GRIN2B: variants seen among roughly 807,000 people sequenced by gnomAD.
GRIN2B encodes glutamate receptor ionotropic, NMDA 2B.
GRIN2B carries 5 observed loss-of-function variants against 114.5 expected under a neutral mutation model. That is an observed-to-expected ratio of 0.04 (90% CI 0.02 to 0.09). GRIN2B has a LOEUF of 0.09. Among genes scored for constraint, GRIN2B ranks in the 10% least tolerant of loss-of-function variants. The probability of loss-of-function intolerance (pLI) is 1.00; values close to 1 mark genes in which losing one functional copy is unlikely to be tolerated. For synonymous variants in GRIN2B, 787 were observed against 745.1 expected (o/e 1.06, Z -0.92); for missense variants, 1,108 against 1,943.5 (o/e 0.57, Z 8.08).
intron 5 of GRIN2B, among the ~76,000 whole-genome samples, chr12:13,636,558 T>C (rs1044038240): frequency 1.1e-4 from 16 of 152,140 alleles, no homozygotes; most frequent in Non-Finnish European, 2.4e-4. Flanking sequence ...GGCCACTTTC[T>C]GGATATGTTT....
chr12:13,596,405 T>C (rs888761706), intron 10 of GRIN2B, among the ~76,000 whole-genome samples: 1 of 152,248 alleles, frequency 6.6e-6, no homozygotes, highest in Non-Finnish European at 1.5e-5. Context: ...TTTATAGCCT[T>C]AAGCTACTCA....
intron 11 of GRIN2B, 34 bp downstream of exon 11, chr12:13,571,770 G>C: frequency 6.2e-7 from 1 of 1,609,736 alleles, no homozygotes; most frequent in Non-Finnish European, 8.5e-7. Flanking sequence ...GTGAGAAACA[G>C]ATCAAGGACT....
chr12:13,919,268 T>C (rs900912248), intron 2 of GRIN2B, among the ~76,000 whole-genome samples: 1 of 152,206 alleles, frequency 6.6e-6, no homozygotes, highest in African/African-American at 2.4e-5. Flanking sequence ...AGTTTATACT[T>C]TATGGTTCTA....
chr12:13,609,772 C>CA (rs35580358), intron 9 of GRIN2B, among the ~76,000 whole-genome samples: 26,693 of 110,078 alleles, frequency 0.24, 2,747 homozygotes, highest in Admixed American at 0.31. Flanking sequence ...GACTCTGTCT[C>CA]AAAAAAAAAA....
intron 5 of GRIN2B, among the ~76,000 whole-genome samples, chr12:13,622,657 A>G (rs1949529638): frequency 6.6e-6 from 1 of 152,048 alleles, no homozygotes; most frequent in Non-Finnish European, 1.5e-5. Context: ...GGGAAGTCCA[A>G]TATAAAGGTG....
intron 4 of GRIN2B, among the ~76,000 whole-genome samples, chr12:13,705,182 C>A (rs7968071): frequency 2.0e-5 from 3 of 152,062 alleles, no homozygotes; most frequent in African/African-American, 7.2e-5. Context: ...GAATTTGATT[C>A]CCCTGCTCTC....
At chr12:13,629,594 G>A (rs745856827) in intron 5 of GRIN2B, among the ~76,000 whole-genome samples, 5 of 151,730 alleles carry the variant, frequency 3.3e-5, no homozygotes, top group South Asian at 2.1e-4. Flanking sequence ...TATTCCCCAC[G>A]TTTCACCCTT....
At chr12:13,901,056 G>A (rs953128759) in intron 2 of GRIN2B, among the ~76,000 whole-genome samples, 4 of 152,082 alleles carry the variant, frequency 2.6e-5, no homozygotes, top group East Asian at 1.9e-4. Context: ...AATAGATAAC[G>A]CCAAACAATT....
intron 3 of GRIN2B, among the ~76,000 whole-genome samples, chr12:13,762,899 T>G (rs906147866): frequency 1.3e-4 from 20 of 152,150 alleles, no homozygotes; most frequent in African/African-American, 4.3e-4. Context: ...TGGTTTTTTG[T>G]TTTTTGTTTT....
chr12:13,580,952 T>G (rs1231642773), intron 10 of GRIN2B, among the ~76,000 whole-genome samples: 4 of 152,192 alleles, frequency 2.6e-5, no homozygotes, highest in African/African-American at 9.7e-5. Context: ...TTTTTACTTA[T>G]GATAATGCCT....
At chr12:13,644,658 T>A (rs1056212353) in intron 5 of GRIN2B, among the ~76,000 whole-genome samples, 1 of 152,194 alleles carries the variant, frequency 6.6e-6, no homozygotes, top group Non-Finnish European at 1.5e-5. Flanking sequence ...TTATCTATAT[T>A]GAAAATCTGT....
intron 10 of GRIN2B, among the ~76,000 whole-genome samples, chr12:13,576,438 A>G (rs932317623): frequency 6.6e-6 from 1 of 152,242 alleles, no homozygotes; most frequent in Admixed American, 6.5e-5. Context: ...AATAATTTTT[A>G]AACAAATTTA....
intron 10 of GRIN2B, among the ~76,000 whole-genome samples, chr12:13,590,036 T>G (rs1421792797): frequency 3.9e-5 from 6 of 152,048 alleles, no homozygotes; most frequent in African/African-American, 1.4e-4. Context: ...AACTTAGAAA[T>G]GTTATAAATT....
chr12:13,869,301 C>G (rs1395358507), intron 2 of GRIN2B, among the ~76,000 whole-genome samples: 1 of 146,430 alleles, frequency 6.8e-6, no homozygotes. Context: ...CCTTCAGGAC[C>G]ATGGTCTAGC....
At chr12:13,734,114 A>G (rs1863140466) in intron 4 of GRIN2B, among the ~76,000 whole-genome samples, 1 of 152,240 alleles carries the variant, frequency 6.6e-6, no homozygotes, top group Non-Finnish European at 1.5e-5. Flanking sequence ...TTTCCATTCT[A>G]AGTTTCAATT....
intron 3 of GRIN2B, among the ~76,000 whole-genome samples, chr12:13,769,710 G>A (rs1044460403): frequency 6.6e-5 from 10 of 152,212 alleles, no homozygotes; most frequent in Non-Finnish European, 1.5e-4. Flanking sequence ...GCCTTCACAG[G>A]CATAGCAAGG....
intron 3 of GRIN2B, among the ~76,000 whole-genome samples, chr12:13,776,685 G>A (rs1864009166): frequency 1.3e-5 from 2 of 152,002 alleles, no homozygotes; most frequent in South Asian, 4.2e-4. Context: ...TTGGGGAGCG[G>A]GAATTAGTGG....
At chr12:13,565,706 A>T (rs973729767) in intron 13 of GRIN2B, among the ~76,000 whole-genome samples, 11 of 152,154 alleles carry the variant, frequency 7.2e-5, no homozygotes, top group Admixed American at 2.0e-4. Context: ...AATGAACGGG[A>T]CTAATTTGGA....
At chr12:13,733,980 C>T (rs1411476897) in intron 4 of GRIN2B, among the ~76,000 whole-genome samples, 2 of 152,142 alleles carry the variant, frequency 1.3e-5, no homozygotes, top group African/African-American at 2.4e-5. Context: ...GGAAAAGAAC[C>T]ATGCTCTCTT....
Sources: gnomAD v4.1 joint callset for allele counts (sites outside exome capture counted in the v4.1 genomes callset) on GRCh38, gnomAD v4.1.1 for gene constraint, MANE v1.5 for transcripts, NCBI Gene and HGNC (gene_info 2026-07-23, HGNC 2026-07-21) for gene names.